Variants in AGMO observed in about 807,000 individuals in gnomAD.
The protein encoded by AGMO is glyceryl-ether monooxygenase.
In AGMO, 75 loss-of-function variants were observed where a neutral mutation model predicts 60.2. That is an observed-to-expected ratio of 1.25 (90% CI 1.03 to 1.51). The LOEUF (loss-of-function observed/expected upper bound fraction) is 1.51, where lower values mean the gene tolerates loss of function less well. Ranked by LOEUF, AGMO falls within the 40% of genes most tolerant of loss-of-function variation. The pLI is 0.00. For missense variants in AGMO, 763 were observed against 525.5 expected (o/e 1.45, Z -4.42); for synonymous variants, 261 against 177.1 (o/e 1.47, Z -3.76).
chr7:15,444,960 G>A (rs1426002026), intron 3 of AGMO, among the ~76,000 whole-genome samples: 2 of 152,106 alleles, frequency 1.3e-5, no homozygotes, highest in African/African-American at 4.8e-5. Context: ...GACATCTAGG[G>A]AGGACTTCAA....
intron 9 of AGMO, among the ~76,000 whole-genome samples, chr7:15,387,020 A>T (rs1196671103): frequency 6.6e-6 from 1 of 152,100 alleles, no homozygotes; most frequent in Non-Finnish European, 1.5e-5. Flanking sequence ...GTTTTTCATG[A>T]GTGGAGTTAA....
chr7:15,155,440 T>C, the AGMO span, among the ~76,000 whole-genome samples: 2 of 143,376 alleles, frequency 1.4e-5, no homozygotes, highest in East Asian at 4.1e-4. Flanking sequence ...TTTTTTTTTT[T>C]TTTTTTTTTG....
chr7:15,283,077 T>C (rs1306180684), intron 12 of AGMO, among the ~76,000 whole-genome samples: 1 of 152,068 alleles, frequency 6.6e-6, no homozygotes, highest in Non-Finnish European at 1.5e-5. Context: ...CTACAAGAAA[T>C]GCTAAAAGTA....
chr7:15,183,728 T>C, the AGMO span, among the ~76,000 whole-genome samples: 4 of 152,352 alleles, frequency 2.6e-5, no homozygotes, highest in African/African-American at 9.6e-5. Context: ...ACATGATGAA[T>C]TGGTAATCTG....
At position 15,520,490 on chromosome 7, in the gene AGMO, C is replaced by T. The variant is rs532621292; in HGVS notation, c.409+24282G>A. On this transcript the variant is annotated intron_variant, in intron 3 of 12. Coordinates refer to ENST00000342526, the MANE Select transcript of AGMO (RefSeq NM_001004320.2). ...AAATCCAAAAGAATGGAAATCATAACAAACAGTCTCTCAGACCATAGCGCA... is the reference window on the plus strand; with the variant it reads ...AAATCCAAAAGAATGGAAATCATAATAAACAGTCTCTCAGACCATAGCGCA... 2.5e-3 allele frequency among the ~76,000 whole-genome samples: 381 copies of T among 152,244 alleles called. 1 individual carries two copies. The highest frequency in any genetic ancestry group is 8.8e-3 in the African/African-American group (367 of 41,544).
chr7:15,452,606 G>T (rs1337973717), intron 3 of AGMO, among the ~76,000 whole-genome samples: 1 of 152,194 alleles, frequency 6.6e-6, no homozygotes, highest in East Asian at 1.9e-4. Context: ...AGGATGTGGA[G>T]AAGTTAGAAC....
At chr7:15,241,831 G>A (rs2128503231) in intron 12 of AGMO, among the ~76,000 whole-genome samples, 1 of 152,250 alleles carries the variant, frequency 6.6e-6, no homozygotes, top group Middle Eastern at 3.4e-3. Flanking sequence ...AGACCAGGCT[G>A]GGCTCTTATC....
intron 4 of AGMO, among the ~76,000 whole-genome samples, chr7:15,427,218 C>T (rs944428142): frequency 6.6e-6 from 1 of 152,154 alleles, no homozygotes; most frequent in African/African-American, 2.4e-5. Context: ...ATAGTAGATA[C>T]ATAATGTATA....
intron 12 of AGMO, among the ~76,000 whole-genome samples, chr7:15,210,198 A>G (rs1781548581): frequency 6.6e-6 from 1 of 152,140 alleles, no homozygotes; most frequent in South Asian, 2.1e-4. Flanking sequence ...TGTGCACTTA[A>G]TTTGATTGAT....
intron 10 of AGMO, among the ~76,000 whole-genome samples, chr7:15,372,363 A>G (rs1214146165): frequency 6.6e-6 from 1 of 152,152 alleles, no homozygotes; most frequent in Non-Finnish European, 1.5e-5. Context: ...AGGCAGGAGT[A>G]AACTACTGTT....
At chr7:15,343,251 T>C (rs1781922700) in intron 12 of AGMO, among the ~76,000 whole-genome samples, 1 of 152,154 alleles carries the variant, frequency 6.6e-6, no homozygotes, top group Non-Finnish European at 1.5e-5. Flanking sequence ...AGTAATATCT[T>C]TAATAGAAAA....
At chr7:15,179,215 C>T in the AGMO span, among the ~76,000 whole-genome samples, 1 of 152,006 alleles carries the variant, frequency 6.6e-6, no homozygotes, top group South Asian at 2.1e-4. Flanking sequence ...ATCACAATAG[C>T]CCAAAAATCT....
chr7:15,431,197 G>C, intron 3 of AGMO, 89 bp from the exon 4 acceptor site: 1 of 858,570 alleles, frequency 1.2e-6, no homozygotes, highest in Non-Finnish European at 1.9e-6. Flanking sequence ...GTTGAGTGAG[G>C]AAGAAAAATC....
intron 3 of AGMO, among the ~76,000 whole-genome samples, chr7:15,447,930 G>T (rs923074847): frequency 5.3e-5 from 8 of 152,100 alleles, no homozygotes; most frequent in African/African-American, 1.9e-4. Flanking sequence ...ACAATATCAA[G>T]CAGAAACAGA....
chr7:15,507,797 G>A (rs956622592), intron 3 of AGMO, among the ~76,000 whole-genome samples: 2 of 151,974 alleles, frequency 1.3e-5, no homozygotes, highest in African/African-American at 4.8e-5. Context: ...GAACAAAAAA[G>A]CATATTAGAT....
At chr7:15,209,873 G>C (rs1336946699) in intron 12 of AGMO, among the ~76,000 whole-genome samples, 1 of 152,054 alleles carries the variant, frequency 6.6e-6, no homozygotes, top group Non-Finnish European at 1.5e-5. Flanking sequence ...CAGGCAGCAG[G>C]CACCCAGCTG....
chr7:15,291,907 G>GC (rs1784274916), intron 12 of AGMO, among the ~76,000 whole-genome samples: 1 of 152,158 alleles, frequency 6.6e-6, no homozygotes, highest in South Asian at 2.1e-4. Context: ...AGTAGGGGGA[G>GC]CTCAGGAATT....
intron 12 of AGMO, among the ~76,000 whole-genome samples, chr7:15,364,339 T>A (rs540943271): frequency 2.0e-5 from 3 of 152,132 alleles, no homozygotes; most frequent in Non-Finnish European, 2.9e-5. Flanking sequence ...TATACCGATA[T>A]CTCCCTCTCC....
At chr7:15,222,874 G>A (rs4266539) in intron 12 of AGMO, among the ~76,000 whole-genome samples, 4 of 151,560 alleles carry the variant, frequency 2.6e-5, no homozygotes, top group East Asian at 3.9e-4. Flanking sequence ...CCCAACATGC[G>A]TAACAAAAAT....
Sources: allele counts gnomAD v4.1 joint callset (sites outside exome capture counted in the v4.1 genomes callset), GRCh38; gene constraint gnomAD v4.1.1; transcripts MANE v1.5; gene names NCBI Gene and HGNC (gene_info 2026-07-23, HGNC 2026-07-21).